OAS1: variants seen among roughly 807,000 people sequenced by gnomAD.
OAS1 encodes the protein 2'-5'-oligoadenylate synthase 1.
Under a neutral mutation model 38.5 loss-of-function variants are expected in OAS1, and 24 were observed. That is an observed-to-expected ratio of 0.62 (90% confidence interval 0.45 to 0.88). OAS1 has a LOEUF of 0.88. Among genes scored for constraint, OAS1 ranks in the 40% least tolerant of loss-of-function variants. The probability of loss-of-function intolerance (pLI) is 0.00; values close to 1 mark genes in which losing one functional copy is unlikely to be tolerated. For missense variants in OAS1, 482 were observed against 493.9 expected (o/e 0.98, Z 0.23); for synonymous variants, 169 against 193.9 (o/e 0.87, Z 1.07).
rs1245894281 is a variant in OAS1 at position 112,908,968 on chromosome 12, A to G, written c.469+144A>G. On this transcript the variant is annotated intron_variant, in intron 2 of 5. Coordinates refer to ENST00000202917, the MANE Select transcript of OAS1 (RefSeq NM_016816.4). ...AGGATCTGTCCCGGGGCAAGAATGA[A>G]TACGGTCATGATCTATCACAGGAGA... The G allele has an allele frequency of 1.2e-5, 10 of 827,670 alleles. No individual in the cohort carries two copies. In the Admixed American group the frequency reaches 2.9e-4, roughly 24 times the overall value. 51.3% of individuals were successfully genotyped at this position (827,670 alleles called of 1,614,324 possible). A position where few individuals can be genotyped will look rare whatever the true frequency, so the allele number is the denominator to read the frequency against.
chr12:112,915,451 G>A (rs1229193022), intron 3 of OAS1, among the ~76,000 whole-genome samples: 3 of 152,104 alleles, frequency 2.0e-5, no homozygotes, highest in East Asian at 1.9e-4. Context: ...TTATTTCTGG[G>A]TTATCTATTC....
intron 6 of OAS1, among the ~76,000 whole-genome samples, chr12:112,927,638 T>C (rs2043567855): frequency 6.6e-6 from 1 of 152,208 alleles, no homozygotes; most frequent in South Asian, 2.1e-4. Flanking sequence ...ACTATGATCT[T>C]GGTTTGATGA....
chr12:112,911,654 C>T (rs959100900), intron 3 of OAS1, among the ~76,000 whole-genome samples: 3 of 152,184 alleles, frequency 2.0e-5, no homozygotes, highest in South Asian at 2.1e-4. Flanking sequence ...GATGCCCTTT[C>T]CTCCCACTTA....
In OAS1 at chr12:112,914,737, T is replaced by G. The variant is rs1434552824; in HGVS notation, c.655-1772T>G. ...ATATGCTTGTTGGTATTTGTTTTTT[T>G]TTTTTTTTTTTCATTATTATACTTT... On this transcript the variant is annotated intron_variant, in intron 3 of 5. Coordinates refer to ENST00000202917, the MANE Select transcript of OAS1 (RefSeq NM_016816.4). Among the ~76,000 whole-genome samples the G allele has an allele frequency of 2.4e-3, 367 of 150,656 alleles. 1 individual carries two copies. The highest frequency in any genetic ancestry group is 7.7e-3 in the African/African-American group (316 of 41,236).
intron 3 of OAS1, among the ~76,000 whole-genome samples, chr12:112,911,446 G>C (rs936475302): frequency 1.8e-4 from 27 of 151,820 alleles, no homozygotes; most frequent in African/African-American, 6.0e-4. Flanking sequence ...AGAAAGGAAG[G>C]GATTTTGGTG....
intron 1 of OAS1, 76 bp from the exon 2 acceptor site, chr12:112,908,460 G>A (rs2043326509): frequency 7.1e-7 from 1 of 1,412,636 alleles, no homozygotes; most frequent in African/African-American, 1.4e-5. Flanking sequence ...CATAATGTTA[G>A]TGATTGCTCC....
intron 2 of OAS1, among the ~76,000 whole-genome samples, chr12:112,910,028 G>C (rs1438117702): frequency 6.6e-6 from 1 of 152,080 alleles, no homozygotes; most frequent in East Asian, 1.9e-4. Flanking sequence ...TCTCTCCTTT[G>C]TGCCATCTCC....
At chr12:112,921,275 A>G (rs1007751889), downstream of OAS1, among the ~76,000 whole-genome samples, 10 of 152,252 alleles carry the variant, frequency 6.6e-5, no homozygotes. Context: ...AACTTGTCAC[A>G]TAAAATCAAT....
intron 6 of OAS1, among the ~76,000 whole-genome samples, chr12:112,931,671 A>G (rs981985312): frequency 6.6e-6 from 1 of 152,226 alleles, no homozygotes; most frequent in Admixed American, 6.5e-5. Flanking sequence ...GTTGCCCCGC[A>G]TTCTCTTCAT....
chr12:112,907,059 C>T lies in OAS1; in HGVS notation c.20C>T (p.Thr7Ile), dbSNP rs1334784975. ...CTGTCAATGATGGATCTCAGAAATA[C>T]CCCAGCCAAATCTCTGGACAAGTTC... is the stretch of plus-strand genomic sequence containing the variant. Reference protein sequence around the residue: MMDLRNTPAKSLDKFIE... With the variant: MMDLRNIPAKSLDKFIE... Residue 7 changes from threonine (T) to isoleucine (I), a missense_variant, in exon 1 of 6, where the codon ACC (threonine) becomes ATC (isoleucine). Physicochemically the swap from Thr to Ile is moderately conservative, Grantham distance 89. Coordinates refer to ENST00000202917, the MANE Select transcript of OAS1 (RefSeq NM_016816.4). 1 of 1,614,208 alleles carries T rather than the reference C, an allele frequency of 6.2e-7. No homozygotes were observed. The highest frequency in any genetic ancestry group is 8.5e-7 in the Non-Finnish European group (1 of 1,180,036).
At chr12:112,932,907 G>A (rs770930415), downstream of OAS1, 2 of 152,150 alleles carry the variant, frequency 1.3e-5, no homozygotes, top group African/African-American at 2.4e-5. Context: ...CACATTCCAC[G>A]CCCTCCTTTG....
At chr12:112,912,270 G>A (rs554340965) in intron 3 of OAS1, among the ~76,000 whole-genome samples, 1 of 152,230 alleles carries the variant, frequency 6.6e-6, no homozygotes, top group South Asian at 2.1e-4. Context: ...AGCCTGGGAG[G>A]AGGAGGTTGC....
Position 112,907,174 on chromosome 12 carries a change from C to T in OAS1, c.135C>T (p.Cys45=). ...TCTGTGGGTTCCTGAAGGAAAGGTG[C>T]TTCCGAGGTAGCTCCTACCCTGTGT... The part of the protein sequence containing the change: ...DIICGFLKER[C]FRGSSYPVCV... Residue 45 remains cysteine (C), a synonymous_variant, in exon 1 of 6, where the codon TGC becomes TGT. Transcript: ENST00000202917. 1 of 1,614,206 alleles carries T rather than the reference C, an allele frequency of 6.2e-7. No individual in the cohort carries two copies. The highest frequency in any genetic ancestry group is 8.5e-7 in the Non-Finnish European group (1 of 1,180,052).
chr12:112,910,001 A>G (rs1240813907), intron 2 of OAS1, among the ~76,000 whole-genome samples: 1 of 152,168 alleles, frequency 6.6e-6, no homozygotes, highest in African/African-American at 2.4e-5. Flanking sequence ...ACACCAGGGT[A>G]TGAGAAAGTT....
intron 1 of OAS1, among the ~76,000 whole-genome samples, chr12:112,908,155 A>G (rs1444791542): frequency 6.6e-6 from 1 of 152,248 alleles, no homozygotes; most frequent in South Asian, 2.1e-4. Flanking sequence ...TCAATACCTC[A>G]TAGGGCCGTG....
downstream of OAS1, among the ~76,000 whole-genome samples, chr12:112,923,776 G>A (rs1055685138): frequency 6.6e-6 from 1 of 152,146 alleles, no homozygotes; most frequent in African/African-American, 2.4e-5. Flanking sequence ...GTGGCCACCT[G>A]ATCTTTGACA....
chr12:112,909,244 C>G (rs983516093), intron 2 of OAS1, among the ~76,000 whole-genome samples: 1 of 152,212 alleles, frequency 6.6e-6, no homozygotes, highest in African/African-American at 2.4e-5. Context: ...AGTGTAACCT[C>G]TCAGAGGCTC....
chr12:112,916,884 T>C, intron 4 of OAS1, 146 bp downstream of exon 4: 2 of 657,306 alleles, frequency 3.0e-6, no homozygotes, highest in East Asian at 2.7e-5. Context: ...ATTTTACTAC[T>C]GCCATCTGTT....
chr12:112,921,454 G>A (rs913881775), downstream of OAS1, among the ~76,000 whole-genome samples: 3 of 152,122 alleles, frequency 2.0e-5, no homozygotes, highest in African/African-American at 4.8e-5. Flanking sequence ...TTGCTTGATC[G>A]AAGAGCCACA....
Sources: allele counts gnomAD v4.1 joint callset (sites outside exome capture counted in the v4.1 genomes callset), GRCh38; gene constraint gnomAD v4.1.1; transcripts MANE v1.5; gene names NCBI Gene and HGNC (gene_info 2026-07-23, HGNC 2026-07-21).